Variants in TYW1 observed in about 807,000 individuals in gnomAD.
The protein encoded by TYW1 is tRNA-yW synthesizing protein 1 homolog, also known as S-adenosyl-L-methionine-dependent tRNA 4-demethylwyosine synthase TYW1.
In TYW1, 46 loss-of-function variants were observed where a neutral mutation model predicts 96.2. That is an observed-to-expected ratio of 0.48 (90% CI 0.38 to 0.61). TYW1 has a LOEUF of 0.61. Ranked by LOEUF, TYW1 falls within the 20% of genes least tolerant of loss-of-function variation. The pLI is 0.00. For synonymous variants in TYW1, 274 were observed against 323.0 expected (o/e 0.85, Z 1.63); for missense variants, 684 against 909.6 (o/e 0.75, Z 3.19).
At chr7:67,009,544 ATTGAAGACT>A in intron 3 of TYW1, 30 bp from the exon 4 acceptor site, 1 of 1,591,960 alleles carries the variant, frequency 6.3e-7, no homozygotes, top group South Asian at 1.1e-5. Flanking sequence ...TATTTGGCTC[ATTGAAGACT>A]TTATTTGATG....
chr7:67,232,236 C>A (rs892942898), intron 15 of TYW1, among the ~76,000 whole-genome samples: 1 of 151,368 alleles, frequency 6.6e-6, no homozygotes, highest in African/African-American at 2.4e-5. Context: ...CCAGCCACTG[C>A]CCCCAGCCTC....
rs56069939 is a variant in TYW1 at position 67,094,651 on chromosome 7, AGTGTGTGTGT to A, written c.1385-3859_1385-3850del. Among the ~76,000 whole-genome samples, 142 of 141,712 alleles carry A rather than the reference AGTGTGTGTGT, an allele frequency of 1.0e-3. No individual in the cohort carries two copies. In the South Asian group the frequency reaches 0.011, roughly 11 times the overall value. 93.0% of individuals were successfully genotyped at this position (141,712 alleles called of 152,430 possible). A position where few individuals can be genotyped will look rare whatever the true frequency, so the allele number is the denominator to read the frequency against. On this transcript the variant is annotated intron_variant, in intron 11 of 15. Coordinates refer to ENST00000359626, the MANE Select transcript of TYW1 (RefSeq NM_018264.4). ...GGGAGGAAGAGAGAGAGAGAATTAG[AGTGTGTGTGT>A]GTGTGTGTGTGTGTGTGTGTGTGTG...
chr7:67,014,139 G>A (rs922997117), intron 4 of TYW1, among the ~76,000 whole-genome samples: 8 of 152,156 alleles, frequency 5.3e-5, no homozygotes, highest in Admixed American at 4.6e-4. Context: ...CGTATATGGT[G>A]AAATATACCA....
At chr7:67,134,561 A>G (rs963159204) in intron 13 of TYW1, among the ~76,000 whole-genome samples, 2 of 151,864 alleles carry the variant, frequency 1.3e-5, no homozygotes, top group Non-Finnish European at 2.9e-5. Flanking sequence ...AAAGATAAAT[A>G]AAAGGATACC....
At chr7:67,104,398 G>A (rs574329980) in intron 12 of TYW1, among the ~76,000 whole-genome samples, 1 of 152,306 alleles carries the variant, frequency 6.6e-6, no homozygotes, top group Admixed American at 6.5e-5. Flanking sequence ...GAGAATGAAG[G>A]GGGAAGGGAA....
intron 7 of TYW1, among the ~76,000 whole-genome samples, chr7:67,025,815 T>G (rs575438368): frequency 1.3e-5 from 2 of 152,276 alleles, no homozygotes; most frequent in South Asian, 4.1e-4. Flanking sequence ...ACTGTGAGTT[T>G]TGGAAAATGA....
At chr7:67,053,405 GT>G (rs1795422727) in intron 8 of TYW1, among the ~76,000 whole-genome samples, 1 of 145,158 alleles carries the variant, frequency 6.9e-6, no homozygotes, top group African/African-American at 2.6e-5. Flanking sequence ...TTGAGATGGA[GT>G]TTCACTCTTG....
At chr7:67,150,057 T>C (rs2844186) in intron 13 of TYW1, among the ~76,000 whole-genome samples, 36,479 of 147,216 alleles carry the variant, frequency 0.25, 5,047 homozygotes, top group African/African-American at 0.36. Flanking sequence ...TCTGGTAGAC[T>C]CTGAAAAACA....
At chr7:67,086,487 G>A (rs1796552741) in intron 11 of TYW1, among the ~76,000 whole-genome samples, 1 of 152,108 alleles carries the variant, frequency 6.6e-6, no homozygotes, top group African/African-American at 2.4e-5. Flanking sequence ...GACAGAAAGA[G>A]AGACTGAGAT....
chr7:67,119,933 C>T (rs58756282), intron 13 of TYW1, among the ~76,000 whole-genome samples: 36,895 of 151,254 alleles, frequency 0.24, 4,780 homozygotes, highest in African/African-American at 0.32. Flanking sequence ...ACCACAGGCA[C>T]ATACTGCCAT....
intron 13 of TYW1, among the ~76,000 whole-genome samples, chr7:67,141,539 G>A (rs1798448800): frequency 1.3e-5 from 2 of 152,088 alleles, no homozygotes; most frequent in Non-Finnish European, 2.9e-5. Context: ...TTTACAGTTC[G>A]TGTTTGTCTA....
Position 67,098,598 on chromosome 7 carries a change from C to T in TYW1, c.1442C>T (p.Ala481Val), listed in dbSNP as rs754874445. The part of the protein sequence containing the change: ...FEEGMTVKHC[A>V]LSLVGEPIMY... ...GAAGGAATGACGGTAAAGCACTGTG[C>T]ATTGTCCCTCGTGGGAGAACCAATA... is the stretch of plus-strand genomic sequence containing the variant. Residue 481 changes from alanine to valine, a missense_variant, in exon 12 of 16, where the codon GCA (alanine) becomes GTA (valine). Coordinates refer to ENST00000359626, the MANE Select transcript of TYW1 (RefSeq NM_018264.4). 2 of 1,613,242 alleles carry T rather than the reference C, an allele frequency of 1.2e-6. No individual in the cohort carries two copies. The highest frequency in any genetic ancestry group is 2.2e-5 in the South Asian group (2 of 90,896).
chr7:67,082,208 C>T (rs1457990784), intron 10 of TYW1, among the ~76,000 whole-genome samples: 4 of 151,938 alleles, frequency 2.6e-5, no homozygotes, highest in Non-Finnish European at 5.9e-5. Flanking sequence ...TTGTTTTTTA[C>T]TACATTGATA....
intron 10 of TYW1, among the ~76,000 whole-genome samples, chr7:67,071,913 T>C (rs1306943658): frequency 2.0e-5 from 3 of 151,748 alleles, no homozygotes; most frequent in African/African-American, 7.3e-5. Flanking sequence ...TGAGCCACCA[T>C]ACCCGGCCTG....
intron 15 of TYW1, among the ~76,000 whole-genome samples, chr7:67,210,983 G>C (rs1205151456): frequency 6.6e-6 from 1 of 151,040 alleles, no homozygotes; most frequent in Non-Finnish European, 1.5e-5. Flanking sequence ...CTGCCTGCCT[G>C]TCTGTCTATG....
intron 12 of TYW1, among the ~76,000 whole-genome samples, chr7:67,108,107 C>T (rs1404392190): frequency 6.6e-6 from 1 of 152,028 alleles, no homozygotes; most frequent in Non-Finnish European, 1.5e-5. Context: ...AAATGCCTGA[C>T]TTCAAGTGAT....
Position 67,109,273 on chromosome 7 carries a change from CAAAAAAAAAAA to C in TYW1, c.1563-8198_1563-8188del, listed in dbSNP as rs1203625487. Among the ~76,000 whole-genome samples, 40 of 49,096 alleles carry C rather than the reference CAAAAAAAAAAA, an allele frequency of 8.1e-4. No individual in the cohort carries two copies. In the East Asian group the frequency reaches 0.016, roughly 20 times the overall value. The allele number at this position is 49,096 out of a possible 152,430, so 32.2% of individuals were successfully genotyped here. A position where few individuals can be genotyped will look rare whatever the true frequency, so the allele number is the denominator to read the frequency against. Reference sequence around the variant, plus strand: ...TCAGCAAAAGAGCGAGACTCCGTCTCAAAAAAAAAAAAAAAAAAAAAAGAAAGAAAATATAT... The same window carrying C: ...TCAGCAAAAGAGCGAGACTCCGTCTCAAAAAAAAAAAGAAAGAAAATATAT... On this transcript the variant is annotated intron_variant, in intron 12 of 15. Transcript: ENST00000359626.
In TYW1 at chr7:67,139,077, G is replaced by A. The variant is rs57027307; in HGVS notation, c.1698+21459G>A. On this transcript the variant is annotated intron_variant, in intron 13 of 15. Coordinates refer to ENST00000359626, the MANE Select transcript of TYW1 (RefSeq NM_018264.4). ...GTGGATCTTTTTATTTTATTGAGAC[G>A]GAGTCTTGCTCTGTCGCCCAGGCTG... 5.1e-3 allele frequency among the ~76,000 whole-genome samples: 778 copies of A among 151,984 alleles called. 5 individuals are homozygous for A. The highest frequency in any genetic ancestry group is 0.018 in the African/African-American group (737 of 41,440).
intron 15 of TYW1, among the ~76,000 whole-genome samples, chr7:67,206,062 T>G (rs1362588568): frequency 6.6e-6 from 1 of 152,202 alleles, no homozygotes; most frequent in Non-Finnish European, 1.5e-5. Flanking sequence ...GAACCAGACA[T>G]TATACCACTG....
Sources: allele counts gnomAD v4.1 joint callset (sites outside exome capture counted in the v4.1 genomes callset), GRCh38; gene constraint gnomAD v4.1.1; transcripts MANE v1.5; gene names NCBI Gene and HGNC (gene_info 2026-07-23, HGNC 2026-07-21).